Variants in ALDH3B1 observed in about 807,000 individuals in gnomAD.
ALDH3B1 encodes aldehyde dehydrogenase family 3 member B1.
Under a neutral mutation model 46.2 loss-of-function variants are expected in ALDH3B1, and 37 were observed. The observed-to-expected ratio is 0.80, with a 90% CI of 0.62 to 1.05. The LOEUF is 1.05. Among genes scored for constraint, ALDH3B1 ranks in the 50% least tolerant of loss-of-function variants. The pLI is 0.00. For missense variants in ALDH3B1, 603 were observed against 665.5 expected (o/e 0.91, Z 1.03); for synonymous variants, 283 against 281.0 (o/e 1.01, Z -0.07).
intron 9 of ALDH3B1, among the ~76,000 whole-genome samples, 172 bp from the exon 10 acceptor site, chr11:68,027,577 A>G (rs796560803): frequency 1.1e-4 from 16 of 152,272 alleles, no homozygotes; most frequent in African/African-American, 3.6e-4. Context: ...GGGCTTACTG[A>G]GCTGGTGCCA....
At chr11:68,009,513 C>T (rs1322418688), upstream of ALDH3B1, among the ~76,000 whole-genome samples, 1 of 152,228 alleles carries the variant, frequency 6.6e-6, no homozygotes, top group Admixed American at 6.5e-5. Context: ...CTGAAAAAGA[C>T]ATTCTTGGCC....
chr11:68,009,430 G>C (rs930074797), upstream of ALDH3B1, among the ~76,000 whole-genome samples: 5 of 152,244 alleles, frequency 3.3e-5, no homozygotes, highest in Non-Finnish European at 7.3e-5. Context: ...AAACACCTCA[G>C]ACACTGGATT....
intron 2 of ALDH3B1, chr11:68,017,559 C>T (rs1857378333): frequency 6.6e-6 from 1 of 152,388 alleles, no homozygotes; most frequent in African/African-American, 2.4e-5. Flanking sequence ...CGGCCTGCAG[C>T]CTGCTGCCTG....
intron 8 of ALDH3B1, among the ~76,000 whole-genome samples, chr11:68,023,317 T>G (rs1029844152): frequency 6.6e-6 from 1 of 150,780 alleles, no homozygotes; most frequent in African/African-American, 2.4e-5. Context: ...TTTTTTTTTT[T>G]TTTTGAGACA....
At chr11:68,021,972 G>C (rs1405145504) in intron 7 of ALDH3B1, 101 bp downstream of exon 7, 9 of 1,505,452 alleles carry the variant, frequency 6.0e-6, no homozygotes, top group Non-Finnish European at 8.0e-6. Context: ...CCTGAAACCT[G>C]GCCCCACTGC....
Position 68,021,529 on chromosome 11 carries a change from C to A in ALDH3B1, c.607C>A (p.His203Asn). 6.2e-7 allele frequency: 1 copy of A among 1,613,922 alleles called. No homozygotes were observed. Among genetic ancestry groups the A allele is most frequent in the Non-Finnish European group, 8.5e-7 (1 of 1,179,904 alleles). ...GATTGTTATGACTGCTGCCGCCAAG[C>A]ACCTGACACCTGTCACCCTGGAGCT... is the stretch of plus-strand genomic sequence containing the variant. ...GKIVMTAAAK[H>N]LTPVTLELGG... is the part of the protein sequence containing the mutation. Residue 203 changes from histidine (H) to asparagine (N), a missense_variant, in exon 7 of 10, where the codon CAC becomes AAC. His to Asn is a moderately conservative substitution (Grantham distance 68, BLOSUM62 1). Coordinates refer to ENST00000342456, the MANE Select transcript of ALDH3B1 (RefSeq NM_000694.4).
chr11:68,013,500 C>T (rs985637926), intron 1 of ALDH3B1, among the ~76,000 whole-genome samples: 1 of 152,190 alleles, frequency 6.6e-6, no homozygotes, highest in Non-Finnish European at 1.5e-5. Flanking sequence ...TGGAGAAGGA[C>T]CCAGGAGAGT....
chr11:68,008,548 C>T (rs1191609958), upstream of ALDH3B1: 1 of 152,446 alleles, frequency 6.6e-6, no homozygotes, highest in Non-Finnish European at 1.5e-5. Flanking sequence ...TGGGCTGTCA[C>T]ATGCTGAGCC....
chr11:68,022,589 C>T lies in ALDH3B1; in HGVS notation c.950-6C>T, dbSNP rs754130408. ...CCCAGGGCTGAGCTGTCTCTGGTGC[C>T]TGCAGCCCCCACGGTGCTGGTGGAT... On this transcript the variant is annotated splice_polypyrimidine_tract_variant and splice_region_variant and intron_variant, in intron 7 of 9. Coordinates refer to ENST00000342456, the MANE Select transcript of ALDH3B1 (RefSeq NM_000694.4). 8 of 1,613,228 alleles carry T rather than the reference C, an allele frequency of 5.0e-6. No homozygotes were observed. Among genetic ancestry groups the T allele is most frequent in the Non-Finnish European group, 6.8e-6 (8 of 1,179,914 alleles).
chr11:68,021,793 T>C lies in ALDH3B1; in HGVS notation c.871T>C (p.Phe291Leu). ...GGGCCGCATCATCAACCAGAAACAGTTCCAGCGGCTGCGGGCATTGCTGGG... is the reference window on the plus strand; with the variant it reads ...GGGCCGCATCATCAACCAGAAACAGCTCCAGCGGCTGCGGGCATTGCTGGG... ...NLGRIINQKQFQRLRALLGCG... is the reference protein window; with the variant it reads ...NLGRIINQKQLQRLRALLGCG... The change falls in exon 7 of 10, where the codon TTC becomes CTC. Residue 291 changes from phenylalanine (F) to leucine (L), a missense_variant. Transcript: ENST00000342456. The C allele has an allele frequency of 6.2e-7, 1 of 1,614,060 alleles. No homozygotes were observed. The highest frequency in any genetic ancestry group is 8.5e-7 in the Non-Finnish European group (1 of 1,179,984).
intron 6 of ALDH3B1, among the ~76,000 whole-genome samples, chr11:68,020,699 G>C (rs1042325802): frequency 6.6e-6 from 1 of 152,208 alleles, no homozygotes; most frequent in East Asian, 1.9e-4. Context: ...GAACCACAGA[G>C]CCCAGGAAGC....
chr11:68,023,834 G>C (rs1857561465), intron 8 of ALDH3B1, among the ~76,000 whole-genome samples: 1 of 151,864 alleles, frequency 6.6e-6, no homozygotes, highest in South Asian at 2.1e-4. Flanking sequence ...TTGAGCTCAT[G>C]AGTTTGAGAC....
chr11:68,029,192 C>T lies in ALDH3B1; in HGVS notation c.*1253C>T, dbSNP rs1353373307. ...GACTATATCAACCTACAACTTTAGT[C>T]GGGAAGAGGGACAGGGGTGGACCTG... On this transcript the variant is annotated 3_prime_UTR_variant, in exon 10 of 10. Coordinates refer to ENST00000342456, the MANE Select transcript of ALDH3B1 (RefSeq NM_000694.4). 6.6e-6 allele frequency: 1 copy of T among 152,248 alleles called. No homozygotes were observed. Among genetic ancestry groups the T allele is most frequent in the Non-Finnish European group, 1.5e-5 (1 of 68,054 alleles). 9.4% of individuals were successfully genotyped at this position (152,248 alleles called of 1,614,324 possible).
chr11:68,019,340 C>A, intron 5 of ALDH3B1, 85 bp downstream of exon 5: 2 of 1,197,034 alleles, frequency 1.7e-6, no homozygotes, highest in South Asian at 1.3e-5. Flanking sequence ...GCCTGTCAGT[C>A]AGACCCGAGT....
chr11:68,019,763 C>T lies in ALDH3B1; in HGVS notation c.529C>T (p.Leu177=), dbSNP rs372778000. 1 of 1,614,030 alleles carries T rather than the reference C, an allele frequency of 6.2e-7. No homozygotes were observed. Among genetic ancestry groups the T allele is most frequent in the African/African-American group, 1.3e-5 (1 of 74,930 alleles). The change falls in exon 6 of 10, where the codon CTA becomes TTA. Residue 177 remains leucine, a synonymous_variant. Transcript: ENST00000342456. The part of the protein sequence containing the change: ...LGGPQETGQL[L]EHRFDYIFFT... ...CGGGCCCCAGGAGACGGGGCAGCTG[C>T]TAGAGCACAGGTTCGACTACATCTT...
At chr11:68,011,612 G>T (rs192706326) in intron 1 of ALDH3B1, among the ~76,000 whole-genome samples, 5 of 152,360 alleles carry the variant, frequency 3.3e-5, no homozygotes, top group Admixed American at 1.3e-4. Flanking sequence ...TATTGGGCCT[G>T]TGGGTCCCCT....
Position 68,021,522 on chromosome 11 carries a change from C to T in ALDH3B1, c.600C>T (p.Ala200=), listed in dbSNP as rs766801380. 11 of 1,613,610 alleles carry T rather than the reference C, an allele frequency of 6.8e-6. No individual in the cohort carries two copies. Among genetic ancestry groups the T allele is most frequent in the Middle Eastern group, 1.6e-4 (1 of 6,076 alleles). The change falls in exon 7 of 10, where the codon GCC becomes GCT. Residue 200 remains alanine, a synonymous_variant. Coordinates refer to ENST00000342456, the MANE Select transcript of ALDH3B1 (RefSeq NM_000694.4). The stretch of plus-strand genomic sequence containing the variant: ...TGGGCAAGATTGTTATGACTGCTGC[C>T]GCCAAGCACCTGACACCTGTCACCC... The part of the protein sequence containing the change: ...PRVGKIVMTA[A]AKHLTPVTLE...
At chr11:68,020,101 C>G (rs899512617) in intron 6 of ALDH3B1, among the ~76,000 whole-genome samples, 1 of 152,206 alleles carries the variant, frequency 6.6e-6, no homozygotes, top group Non-Finnish European at 1.5e-5. Context: ...CTGGTGCCCA[C>G]AGCCCTCTCT....
intron 8 of ALDH3B1, 86 bp downstream of exon 8, chr11:68,022,847 T>G (rs1857538110): frequency 1.3e-6 from 2 of 1,564,798 alleles, no homozygotes; most frequent in Non-Finnish European, 1.7e-6. Context: ...CAAAATCCAG[T>G]GGCTTCAGGA....
Sources: gnomAD v4.1 joint callset for allele counts (sites outside exome capture counted in the v4.1 genomes callset) on GRCh38, gnomAD v4.1.1 for gene constraint, MANE v1.5 for transcripts, NCBI Gene and HGNC (gene_info 2026-07-23, HGNC 2026-07-21) for gene names.